Variants in SENP7 observed in about 807,000 individuals in gnomAD.
SENP7 encodes the protein SUMO specific peptidase 7, also known as sentrin-specific protease 7.
SENP7 carries 64 observed loss-of-function variants against 141.2 expected under a neutral mutation model. That is an observed-to-expected ratio of 0.45 (90% CI 0.37 to 0.56). The LOEUF (loss-of-function observed/expected upper bound fraction) is 0.56. Ranked by LOEUF, SENP7 falls within the 20% of genes least tolerant of loss-of-function variation. The pLI, the probability that SENP7 is intolerant of heterozygous loss-of-function variation, is 0.00. For synonymous variants in SENP7, 382 were observed against 426.4 expected (o/e 0.90, Z 1.28); for missense variants, 1,025 against 1,212.2 (o/e 0.85, Z 2.29).
At position 101,431,135 on chromosome 3, in the gene SENP7, G is replaced by A. The variant is rs140325456; in HGVS notation, c.285-13345C>T. 5.8e-3 allele frequency among the ~76,000 whole-genome samples: 883 copies of A among 152,324 alleles called. 6 individuals are homozygous for A. The highest frequency in any genetic ancestry group is 0.02 in the African/African-American group (850 of 41,568). Reference sequence around the variant, plus strand: ...AATTTTGGAATAGGTGCAATGTGGTGCTGAGAAGAATGTATATTCTGTTGA... The same window carrying A: ...AATTTTGGAATAGGTGCAATGTGGTACTGAGAAGAATGTATATTCTGTTGA... On this transcript the variant is annotated intron_variant, in intron 4 of 23. Transcript: ENST00000394095.
At chr3:101,352,887 G>C (rs1012956705) in intron 11 of SENP7, among the ~76,000 whole-genome samples, 1 of 151,878 alleles carries the variant, frequency 6.6e-6, no homozygotes, top group Non-Finnish European at 1.5e-5. Context: ...ATATTCCATA[G>C]AGTAAGTGAG....
intron 4 of SENP7, among the ~76,000 whole-genome samples, chr3:101,438,802 A>G (rs954577605): frequency 2.0e-5 from 3 of 151,794 alleles, no homozygotes; most frequent in Non-Finnish European, 2.9e-5. Flanking sequence ...TTAAAAAAGA[A>G]TGAGTATCGG....
At chr3:101,403,876 G>A (rs1266319474) in intron 5 of SENP7, among the ~76,000 whole-genome samples, 1 of 152,092 alleles carries the variant, frequency 6.6e-6, no homozygotes, top group Non-Finnish European at 1.5e-5. Context: ...GGAGGTGAAA[G>A]ATCTCTATAA....
At chr3:101,453,419 A>G (rs2063224602) in intron 4 of SENP7, among the ~76,000 whole-genome samples, 1 of 152,220 alleles carries the variant, frequency 6.6e-6, no homozygotes, top group African/African-American at 2.4e-5. Context: ...GTGCACACCT[A>G]TGTTTATTGC....
intron 13 of SENP7, among the ~76,000 whole-genome samples, chr3:101,344,294 C>CT (rs573551425): frequency 7.2e-4 from 109 of 152,268 alleles, no homozygotes; most frequent in African/African-American, 2.3e-3. Context: ...TGAATCAACT[C>CT]TATCAACTAG....
intron 4 of SENP7, among the ~76,000 whole-genome samples, chr3:101,442,037 A>C (rs967630973): frequency 3.3e-5 from 5 of 152,176 alleles, no homozygotes; most frequent in African/African-American, 1.2e-4. Flanking sequence ...CTACAGGAAA[A>C]AGTCTCTACC....
chr3:101,324,956 T>C lies in SENP7; in HGVS notation c.*987A>G, dbSNP rs1009539184. On this transcript the variant is annotated 3_prime_UTR_variant, in exon 24 of 24. Coordinates refer to ENST00000394095, the MANE Select transcript of SENP7 (RefSeq NM_020654.5). ...ATGAGGATCATAGGTCTCTAAAAGCTACAATTTAAAAATATAAAAGCAATG... is the reference window on the plus strand; with the variant it reads ...ATGAGGATCATAGGTCTCTAAAAGCCACAATTTAAAAATATAAAAGCAATG... The C allele has an allele frequency of 3.9e-4, 59 of 152,106 alleles. No homozygotes were observed. The highest frequency in any genetic ancestry group is 1.4e-3 in the African/African-American group (59 of 41,544). 9.4% of individuals were successfully genotyped at this position (152,106 alleles called of 1,614,324 possible).
rs921467569 is a variant in SENP7, at chr3:101,324,719, T to C, written c.*1224A>G. On this transcript the variant is annotated 3_prime_UTR_variant, in exon 24 of 24. Transcript: ENST00000394095. Reference sequence around the variant, plus strand: ...CCTTTGCTTCACTGCTTTATGTAGTTATAATGTAAATCTAAGAGATGCTTA... The same window carrying C: ...CCTTTGCTTCACTGCTTTATGTAGTCATAATGTAAATCTAAGAGATGCTTA... The C allele has an allele frequency of 6.6e-6, 1 of 152,094 alleles. No homozygotes were observed. The highest frequency in any genetic ancestry group is 1.9e-4 in the East Asian group (1 of 5,206). 9.4% of individuals were successfully genotyped at this position (152,094 alleles called of 1,614,324 possible).
chr3:101,414,889 G>A (rs2061566066), intron 5 of SENP7, among the ~76,000 whole-genome samples: 1 of 152,182 alleles, frequency 6.6e-6, no homozygotes, highest in South Asian at 2.1e-4. Flanking sequence ...TGTGGCCAGT[G>A]CTTGTCCTGG....
intron 2 of SENP7, among the ~76,000 whole-genome samples, chr3:101,496,658 A>C (rs2065170208): frequency 6.6e-6 from 1 of 150,388 alleles, no homozygotes; most frequent in Admixed American, 6.7e-5. Flanking sequence ...AGCTAACTGC[A>C]ACCTCCGCCC....
intron 6 of SENP7, among the ~76,000 whole-genome samples, chr3:101,396,835 T>C (rs1023857526): frequency 6.6e-6 from 1 of 152,056 alleles, no homozygotes; most frequent in East Asian, 1.9e-4. Flanking sequence ...TTTGTTGTTG[T>C]TGTTATTGTT....
chr3:101,499,535 ATT>A (rs55855998), intron 2 of SENP7, among the ~76,000 whole-genome samples: 74 of 138,786 alleles, frequency 5.3e-4, no homozygotes, highest in Middle Eastern at 3.8e-3. Flanking sequence ...TGCCCAGCTA[ATT>A]TTTTTTTTTT....
intron 14 of SENP7, among the ~76,000 whole-genome samples, chr3:101,342,769 G>A (rs774141165): frequency 1.3e-4 from 19 of 151,534 alleles, no homozygotes; most frequent in Non-Finnish European, 1.6e-4. Flanking sequence ...GGGTTCAAGC[G>A]ATTCTCCTGC....
chr3:101,457,161 A>C (rs1216986129), intron 4 of SENP7: 2 of 1,030,142 alleles, frequency 1.9e-6, no homozygotes, highest in African/African-American at 3.2e-5. Context: ...CATAAACAAA[A>C]ATTCTTAAAA....
intron 6 of SENP7, among the ~76,000 whole-genome samples, chr3:101,384,699 C>T (rs1010651272): frequency 2.6e-5 from 4 of 152,214 alleles, no homozygotes; most frequent in Admixed American, 6.5e-5. Flanking sequence ...GTATGGAATC[C>T]GGGCCAGTAG....
chr3:101,362,773 C>G (rs2059934707), intron 10 of SENP7, among the ~76,000 whole-genome samples: 1 of 152,136 alleles, frequency 6.6e-6, no homozygotes, highest in Non-Finnish European at 1.5e-5. Context: ...TTGAAGACAA[C>G]CAACCAGAAA....
chr3:101,331,195 T>C (rs989204639), intron 19 of SENP7, among the ~76,000 whole-genome samples: 2 of 152,158 alleles, frequency 1.3e-5, no homozygotes, highest in African/African-American at 4.8e-5. Flanking sequence ...AATATCATGT[T>C]GTAGCCAGGT....
chr3:101,438,743 C>A (rs1372804425), intron 4 of SENP7, among the ~76,000 whole-genome samples: 1 of 152,166 alleles, frequency 6.6e-6, no homozygotes, highest in Non-Finnish European at 1.5e-5. Flanking sequence ...CTTGAATTGT[C>A]CTATAAGGGC....
Position 101,513,185 on chromosome 3 carries a change from G to A in SENP7, c.-55C>T, listed in dbSNP as rs2065938724. On this transcript the variant is annotated 5_prime_UTR_variant, in exon 1 of 24. Coordinates refer to ENST00000394095, the MANE Select transcript of SENP7 (RefSeq NM_020654.5). The stretch of plus-strand genomic sequence containing the variant: ...GGCGCTGTCACCTCAGGACCCCTCC[G>A]GCTTGGAGAGGGAGGGGGAGGGGAA... 2.4e-6 allele frequency: 2 copies of A among 847,880 alleles called. No homozygotes were observed. Among genetic ancestry groups the A allele is most frequent in the Non-Finnish European group, 3.6e-6 (2 of 553,692 alleles). The allele number at this position is 847,880 out of a possible 1,614,324, so 52.5% of individuals were successfully genotyped here. A position where few individuals can be genotyped will look rare whatever the true frequency, so the allele number is the denominator to read the frequency against.
Sources: allele counts gnomAD v4.1 joint callset (sites outside exome capture counted in the v4.1 genomes callset), GRCh38; gene constraint gnomAD v4.1.1; transcripts MANE v1.5; gene names NCBI Gene and HGNC (gene_info 2026-07-23, HGNC 2026-07-21).